The following GRIK3 variants were observed in gnomAD, a reference collection of about 807,000 sequenced individuals.
GRIK3 encodes the protein glutamate ionotropic receptor kainate type subunit 3.
GRIK3 carries 29 observed loss-of-function variants against 102.5 expected under a neutral mutation model. The observed-to-expected ratio is 0.28, with a 90% CI of 0.21 to 0.39. The LOEUF is 0.39. GRIK3 is among the 10% of genes least tolerant of loss of function. The probability of loss-of-function intolerance (pLI) is 1.00; values close to 1 mark genes in which losing one functional copy is unlikely to be tolerated. For missense variants in GRIK3, 908 were observed against 1,252.4 expected (o/e 0.73, Z 4.15); for synonymous variants, 511 against 504.9 (o/e 1.01, Z -0.16).
At chr1:36,822,442 G>A (rs192826508) in intron 11 of GRIK3, among the ~76,000 whole-genome samples, 2 of 152,306 alleles carry the variant, frequency 1.3e-5, no homozygotes, top group South Asian at 2.1e-4. Flanking sequence ...GGGACAGAGC[G>A]TCCAGGCTCT....
Position 36,819,650 on chromosome 1 carries a change from GGCTGGCTCT to G in GRIK3, c.1873+77_1873+85del. 1.3e-6 allele frequency: 1 copy of G among 757,326 alleles called. No individual in the cohort carries two copies. Among genetic ancestry groups the G allele is most frequent in the Non-Finnish European group, 2.4e-6 (1 of 414,042 alleles). 46.9% of individuals were successfully genotyped at this position (757,326 alleles called of 1,614,324 possible). ...GTCTGAGGCTACCCCTAGAGGTGTG[GGCTGGCTCT>G]GCTGATGCCAAAGAGGCTGAAGACC... On this transcript the variant is annotated intron_variant, in intron 12 of 15. Transcript: ENST00000373091. This position sits in a 1 kb window ranked among gnomAD's most constrained non-coding sequence, Gnocchi z 4.1.
Position 36,798,940 on chromosome 1 carries a change from CAA to C in GRIK3, c.*2909_*2910del, listed in dbSNP as rs1432836810. On this transcript the variant is annotated 3_prime_UTR_variant, in exon 16 of 16. Coordinates refer to ENST00000373091, the MANE Select transcript of GRIK3 (RefSeq NM_000831.4). ...TCACCACTTCTTCTTCCTCCTGTCA[CAA>C]TCCACATATATGCATAGCCTCTGAA... 4 of 152,252 alleles carry C rather than the reference CAA, an allele frequency of 2.6e-5. No homozygotes were observed. The highest frequency in any genetic ancestry group is 4.1e-4 in the South Asian group (2 of 4,834). The allele number at this position is 152,252 out of a possible 1,614,324, so 9.4% of individuals were successfully genotyped here. A position where few individuals can be genotyped will look rare whatever the true frequency, so the allele number is the denominator to read the frequency against.
intron 12 of GRIK3, among the ~76,000 whole-genome samples, chr1:36,818,136 G>C (rs1350254309): frequency 6.6e-6 from 1 of 151,992 alleles, no homozygotes; most frequent in Non-Finnish European, 1.5e-5. Flanking sequence ...TTTTCTCAAA[G>C]AAGTCACTCA....
intron 1 of GRIK3, among the ~76,000 whole-genome samples, chr1:36,930,661 A>G (rs911637696): frequency 2.0e-5 from 3 of 152,288 alleles, no homozygotes; most frequent in Admixed American, 6.5e-5. Context: ...CCTGACCACA[A>G]TGGGCCAAGG....
rs1640693076 is a variant in GRIK3 at position 36,859,355 on chromosome 1, C to T, written c.961-104G>A. 8 of 1,294,482 alleles carry T rather than the reference C, an allele frequency of 6.2e-6. No homozygotes were observed. In the South Asian group the frequency reaches 9.9e-5, roughly 16 times the overall value. 80.2% of individuals were successfully genotyped at this position (1,294,482 alleles called of 1,614,324 possible). On this transcript the variant is annotated intron_variant, in intron 6 of 15. Transcript: ENST00000373091. The stretch of plus-strand genomic sequence containing the variant: ...TCCCTTGCCACAGGTACATGATGTC[C>T]TGGTGAGCGAACAGGCCCAGAGGCC...
chr1:36,975,402 C>T (rs1293034468), intron 1 of GRIK3, among the ~76,000 whole-genome samples: 3 of 148,482 alleles, frequency 2.0e-5, no homozygotes, highest in Admixed American at 1.4e-4. Flanking sequence ...TTAAGTGATT[C>T]TCCTGCCTCA....
At chr1:36,868,926 C>T (rs1373325639) in intron 5 of GRIK3, among the ~76,000 whole-genome samples, 3 of 152,178 alleles carry the variant, frequency 2.0e-5, no homozygotes, top group African/African-American at 7.2e-5. Context: ...GCCTACAGGG[C>T]TGCAGTGGCT....
intron 5 of GRIK3, among the ~76,000 whole-genome samples, chr1:36,868,194 T>G (rs1640806744): frequency 6.6e-6 from 1 of 152,110 alleles, no homozygotes; most frequent in Non-Finnish European, 1.5e-5. Flanking sequence ...ACCTTCCCAG[T>G]CTTGCTCCTC....
At chr1:36,853,197 G>A (rs1327683391) in intron 8 of GRIK3, among the ~76,000 whole-genome samples, 1 of 152,196 alleles carries the variant, frequency 6.6e-6, no homozygotes, top group Admixed American at 6.5e-5. Context: ...TCACAGGGGA[G>A]ATACTCTCTG....
intron 9 of GRIK3, among the ~76,000 whole-genome samples, chr1:36,847,742 T>C (rs1467217917): frequency 6.6e-6 from 1 of 152,230 alleles, no homozygotes; most frequent in East Asian, 1.9e-4. Flanking sequence ...AAGCAATTTC[T>C]TAGGGTCATA....
At chr1:36,911,689 C>T (rs949379493) in intron 1 of GRIK3, among the ~76,000 whole-genome samples, 2 of 151,966 alleles carry the variant, frequency 1.3e-5, no homozygotes, top group African/African-American at 4.8e-5. Flanking sequence ...CAGAATCGAC[C>T]GTGTTGGGAG....
At chr1:36,913,022 A>C (rs1437391688) in intron 1 of GRIK3, among the ~76,000 whole-genome samples, 1 of 152,202 alleles carries the variant, frequency 6.6e-6, no homozygotes, top group East Asian at 1.9e-4. Flanking sequence ...CCCCAGCTCC[A>C]GCAGGGATCC....
chr1:36,922,630 A>G (rs1016646753), intron 1 of GRIK3, among the ~76,000 whole-genome samples: 9 of 152,198 alleles, frequency 5.9e-5, no homozygotes, highest in African/African-American at 2.2e-4. Context: ...GCGCTTATTT[A>G]TCAAGGAAGA....
rs564912326 is a variant in GRIK3 at position 36,938,406 on chromosome 1, T to C, written c.116-47310A>G. ...AGTTGAATGACCACATAGCAGGGGT[T>C]TGCAATGATTAAACAGTAAAACCTT... On this transcript the variant is annotated intron_variant, in intron 1 of 15. Transcript: ENST00000373091. Among the ~76,000 whole-genome samples the C allele has an allele frequency of 7.9e-5, 12 of 152,268 alleles. No individual in the cohort carries two copies. The South Asian group carries it at 2.1e-3, about 26-fold the overall frequency.
At chr1:37,008,054 T>A (rs1642550979) in intron 1 of GRIK3, among the ~76,000 whole-genome samples, 1 of 152,234 alleles carries the variant, frequency 6.6e-6, no homozygotes, top group Admixed American at 6.5e-5. Flanking sequence ...AAACACCTTG[T>A]GTCTCACCTC....
intron 1 of GRIK3, among the ~76,000 whole-genome samples, chr1:36,896,350 C>T (rs559600020): frequency 1.2e-4 from 18 of 152,060 alleles, no homozygotes; most frequent in African/African-American, 3.9e-4. Flanking sequence ...TGAATGACAG[C>T]AATGATATAA....
At chr1:36,846,621 G>A (rs2124222290) in intron 9 of GRIK3, among the ~76,000 whole-genome samples, 1 of 152,290 alleles carries the variant, frequency 6.6e-6, no homozygotes, top group South Asian at 2.1e-4. Flanking sequence ...AGGAGGTGCT[G>A]GCCCTACATT....
At chr1:36,941,754 C>A (rs1271728316) in intron 1 of GRIK3, among the ~76,000 whole-genome samples, 1 of 152,156 alleles carries the variant, frequency 6.6e-6, no homozygotes, top group East Asian at 1.9e-4. Context: ...CTTATTTTAC[C>A]CATTTCACAG....
intron 1 of GRIK3, among the ~76,000 whole-genome samples, chr1:36,988,736 T>C (rs549204489): frequency 6.6e-6 from 1 of 152,370 alleles, no homozygotes; most frequent in Admixed American, 6.5e-5. Flanking sequence ...AATTATTCTC[T>C]ACATTAACTG....
Sources: gnomAD v4.1 joint callset for allele counts (sites outside exome capture counted in the v4.1 genomes callset) on GRCh38, gnomAD v4.1.1 for gene constraint, Gnocchi (gnomAD v3.1) non-coding constraint, MANE v1.5 for transcripts, NCBI Gene and HGNC (gene_info 2026-07-23, HGNC 2026-07-21) for gene names.